SND1: variants seen among roughly 807,000 people sequenced by gnomAD.
The protein encoded by SND1 is staphylococcal nuclease and tudor domain containing 1.
A neutral mutation model predicts 121.7 loss-of-function variants in SND1; 38 were observed. That is an observed-to-expected ratio of 0.31 (90% CI 0.24 to 0.41). The LOEUF (loss-of-function observed/expected upper bound fraction) is 0.41, where lower values mean the gene tolerates loss of function less well. Among genes scored for constraint, SND1 ranks in the 10% least tolerant of loss-of-function variants. SND1 has a pLI of 1.00. For synonymous variants in SND1, 401 were observed against 447.4 expected (o/e 0.90, Z 1.31); for missense variants, 868 against 1,184.6 (o/e 0.73, Z 3.92).
intron 13 of SND1, among the ~76,000 whole-genome samples, chr7:127,889,275 A>G (rs568674489): frequency 6.6e-6 from 1 of 151,890 alleles, no homozygotes; most frequent in Non-Finnish European, 1.5e-5. Flanking sequence ...TACCTATATT[A>G]TCAGTAAGCA....
At position 127,865,915 on chromosome 7, in the gene SND1, C is replaced by CT. The variant is rs57998727; in HGVS notation, c.1343+21505dup. On this transcript the variant is annotated intron_variant, in intron 12 of 23. Coordinates refer to ENST00000354725, the MANE Select transcript of SND1 (RefSeq NM_014390.4). ...GATGATTATCAACTTTTTATTTCTC[C>CT]TTTTTTTTTTTTTTACCACATACCT... is the stretch of plus-strand genomic sequence containing the variant. Among the ~76,000 whole-genome samples the CT allele has an allele frequency of 7.7e-3, 1,107 of 143,522 alleles. 8 individuals carry two copies. Among genetic ancestry groups the CT allele is most frequent in the Middle Eastern group, 0.011 (3 of 276 alleles). 94.2% of individuals were successfully genotyped at this position (143,522 alleles called of 152,430 possible). A position where few individuals can be genotyped will look rare whatever the true frequency, so the allele number is the denominator to read the frequency against.
At chr7:127,733,004 G>A (rs572201557) in intron 10 of SND1, among the ~76,000 whole-genome samples, 6 of 152,270 alleles carry the variant, frequency 3.9e-5, no homozygotes, top group African/African-American at 1.4e-4. Context: ...CCTATGGAAG[G>A]AATCAGGCTT....
intron 14 of SND1, among the ~76,000 whole-genome samples, chr7:127,917,129 C>T (rs1800597558): frequency 6.6e-6 from 1 of 152,178 alleles, no homozygotes; most frequent in African/African-American, 2.4e-5. Context: ...TCATTTTCCA[C>T]TGATAGACAA....
chr7:127,727,597 T>C (rs1171409823), intron 10 of SND1, among the ~76,000 whole-genome samples: 7 of 151,900 alleles, frequency 4.6e-5, no homozygotes, highest in African/African-American at 1.7e-4. Context: ...ATAAGGCAAA[T>C]AGCAAATTAG....
At chr7:127,876,353 G>A (rs571658390) in intron 12 of SND1, among the ~76,000 whole-genome samples, 1 of 152,246 alleles carries the variant, frequency 6.6e-6, no homozygotes, top group South Asian at 2.1e-4. Flanking sequence ...AATAGTCCCT[G>A]TGAGAGGCAG....
At chr7:127,773,224 C>T (rs552964068) in intron 10 of SND1, among the ~76,000 whole-genome samples, 17 of 152,184 alleles carry the variant, frequency 1.1e-4, no homozygotes, top group Admixed American at 2.0e-4. Flanking sequence ...GAGGCCGAGG[C>T]GGGCGGATCA....
chr7:127,759,825 C>G (rs749606487), intron 10 of SND1, among the ~76,000 whole-genome samples: 4 of 152,208 alleles, frequency 2.6e-5, no homozygotes, highest in Non-Finnish European at 5.9e-5. Context: ...TTGTAACTCC[C>G]TTCTCCAACA....
chr7:128,087,975 A>G (rs1191772607), intron 21 of SND1, among the ~76,000 whole-genome samples: 1 of 152,198 alleles, frequency 6.6e-6, no homozygotes, highest in Non-Finnish European at 1.5e-5. Flanking sequence ...AGCTTTGAGA[A>G]GGTGCCTGGT....
chr7:127,788,052 A>C (rs1797843324), intron 10 of SND1, among the ~76,000 whole-genome samples: 1 of 152,212 alleles, frequency 6.6e-6, no homozygotes, highest in Non-Finnish European at 1.5e-5. Flanking sequence ...GTTGAATATG[A>C]ATGTTACAAT....
intron 16 of SND1, chr7:128,028,990 G>A (rs1305683552): frequency 6.2e-7 from 1 of 1,612,360 alleles, no homozygotes; most frequent in Non-Finnish European, 8.5e-7. Context: ...TGCCGCTTAC[G>A]AAGTTTATAG....
At chr7:128,027,833 G>C (rs1803523461) in intron 16 of SND1, 1 of 152,040 alleles carries the variant, frequency 6.6e-6, no homozygotes, top group Non-Finnish European at 1.5e-5. Context: ...ACCCCTTCAG[G>C]GGCCTCCTCC....
chr7:127,721,540 T>C, intron 10 of SND1, 140 bp downstream of exon 10: 1 of 535,836 alleles, frequency 1.9e-6, no homozygotes, highest in Non-Finnish European at 3.4e-6. Context: ...AGTATTATTT[T>C]CTAATATTTA....
At chr7:127,945,317 C>T (rs192242955) in intron 15 of SND1, among the ~76,000 whole-genome samples, 6 of 152,192 alleles carry the variant, frequency 3.9e-5, no homozygotes, top group Admixed American at 2.0e-4. Flanking sequence ...ACGGTGAAAC[C>T]CCGTCTCTAC....
chr7:127,782,520 G>C (rs1241482162), intron 10 of SND1, among the ~76,000 whole-genome samples: 5 of 152,154 alleles, frequency 3.3e-5, no homozygotes, highest in Non-Finnish European at 7.4e-5. Context: ...CAATCCTTTG[G>C]GGGGCAGAGA....
chr7:127,675,280 A>G (rs1242680116), intron 1 of SND1, among the ~76,000 whole-genome samples: 1 of 152,154 alleles, frequency 6.6e-6, no homozygotes, highest in Non-Finnish European at 1.5e-5. Context: ...TTACCCCAAT[A>G]GTATATGTTT....
At chr7:127,890,451 G>A (rs535290951) in intron 13 of SND1, among the ~76,000 whole-genome samples, 2 of 152,236 alleles carry the variant, frequency 1.3e-5, no homozygotes, top group African/African-American at 2.4e-5. Context: ...GGATTTGGGG[G>A]GTTGGTCCAT....
rs766263702 is a variant in SND1 at position 127,701,258 on chromosome 7, A to G, written c.524A>G (p.Asp175Gly). ...SEGNGSHTIR[D>G]LKYTIENPRH... ...GGGAACGGTTCACATACTATCCGGG[A>G]TCTCAAGTATACCATTGAAAACCCA... Residue 175 changes from aspartate (D) to glycine (G), a missense_variant, in exon 5 of 24, where the codon GAT becomes GGT. Transcript: ENST00000354725. 6.2e-7 allele frequency: 1 copy of G among 1,614,096 alleles called. No individual in the cohort carries two copies. The highest frequency in any genetic ancestry group is 2.2e-5 in the East Asian group (1 of 44,876).
chr7:127,955,220 G>A (rs939273839), intron 15 of SND1, among the ~76,000 whole-genome samples: 15 of 152,088 alleles, frequency 9.9e-5, no homozygotes, highest in African/African-American at 2.7e-4. Context: ...TCCTAAAAGC[G>A]CTTTTCAGCA....
At chr7:127,683,290 ACTGCAAC>A (rs1473253495) in intron 1 of SND1, among the ~76,000 whole-genome samples, 1 of 152,144 alleles carries the variant, frequency 6.6e-6, no homozygotes, top group Non-Finnish European at 1.5e-5. Context: ...ACCATGGCTC[ACTGCAAC>A]CTTGACCTCC....
Sources: allele counts gnomAD v4.1 joint callset (sites outside exome capture counted in the v4.1 genomes callset), GRCh38; gene constraint gnomAD v4.1.1; transcripts MANE v1.5; gene names NCBI Gene and HGNC (gene_info 2026-07-23, HGNC 2026-07-21).